KPNA4: variants seen among roughly 807,000 people sequenced by gnomAD.
The protein encoded by KPNA4 is importin subunit alpha-3.
In KPNA4, 13 loss-of-function variants were observed where a neutral mutation model predicts 71.3. That is an observed-to-expected ratio of 0.18 (90% CI 0.12 to 0.29). The LOEUF is 0.29. KPNA4 is among the 10% of genes least tolerant of loss of function. The pLI, the probability that KPNA4 is intolerant of heterozygous loss-of-function variation, is 1.00. For synonymous variants in KPNA4, 189 were observed against 195.2 expected, an observed-to-expected ratio of 0.97 and a Z score of 0.26; for missense variants, 334 against 603.2, an observed-to-expected ratio of 0.55 and a Z score of 4.67.
In KPNA4 at chr3:160,500,176, G is replaced by A. The variant is rs953256229; in HGVS notation, c.*1928C>T. 5 of 151,214 alleles carry A rather than the reference G, an allele frequency of 3.3e-5. No individual in the cohort carries two copies. Among genetic ancestry groups the A allele is most frequent in the Admixed American group, 2.0e-4 (3 of 15,132 alleles). The allele number at this position is 151,214 out of a possible 1,614,324, so 9.4% of individuals were successfully genotyped here. On this transcript the variant is annotated 3_prime_UTR_variant, in exon 17 of 17. Coordinates refer to ENST00000334256, the MANE Select transcript of KPNA4 (RefSeq NM_002268.5). ...ACACACACACCCCATGTAAAACATT[G>A]CTTTAAGTTTTAATGTTTATTTCCC... is the stretch of plus-strand genomic sequence containing the variant.
intron 11 of KPNA4, among the ~76,000 whole-genome samples, chr3:160,520,937 A>G (rs1392628200): frequency 6.6e-6 from 1 of 152,236 alleles, no homozygotes; most frequent in African/African-American, 2.4e-5. Context: ...GCTACTGCTT[A>G]TATCTCTGAG....
At chr3:160,564,170 CTA>C (rs1292263714) in intron 1 of KPNA4, 1 of 152,128 alleles carries the variant, frequency 6.6e-6, no homozygotes, top group Non-Finnish European at 1.5e-5. Context: ...AAGAAGTCTT[CTA>C]TCAAAAATCT....
chr3:160,555,120 T>A (rs1010094346), intron 1 of KPNA4, among the ~76,000 whole-genome samples: 4 of 152,164 alleles, frequency 2.6e-5, no homozygotes, highest in African/African-American at 4.8e-5. Context: ...TTAAATTGAA[T>A]CAGTGGATAC....
intron 13 of KPNA4, among the ~76,000 whole-genome samples, chr3:160,511,603 T>C (rs1460091207): frequency 6.6e-6 from 1 of 151,988 alleles, no homozygotes; most frequent in Non-Finnish European, 1.5e-5. Flanking sequence ...GACTGACATT[T>C]TTTTAAGTAC....
In KPNA4 at chr3:160,546,675, CTTTGTTTGGA is replaced by C. The variant is rs1241936811; in HGVS notation, c.70-9845_70-9836del. Among the ~76,000 whole-genome samples, 3 of 152,100 alleles carry C rather than the reference CTTTGTTTGGA, an allele frequency of 2.0e-5. No individual in the cohort carries two copies. In the East Asian group the frequency reaches 5.8e-4, roughly 29 times the overall value. Reference sequence around the variant, plus strand: ...TAAACTAATATGGTTAATCACCAACCTTTGTTTGGATAAACAAAGGTTCCGATATCGCTCC... The same window carrying C: ...TAAACTAATATGGTTAATCACCAACCTAAACAAAGGTTCCGATATCGCTCC... On this transcript the variant is annotated intron_variant, in intron 1 of 16. Transcript: ENST00000334256.
In KPNA4 at chr3:160,498,421, C is replaced by CG. The variant is rs1292202248; in HGVS notation, c.*3682_*3683insC. On this transcript the variant is annotated 3_prime_UTR_variant, in exon 17 of 17. Coordinates refer to ENST00000334256, the MANE Select transcript of KPNA4 (RefSeq NM_002268.5). ...TGGTATACATACTCCATATAACCCCCTCCCTTGACTGTGAACAGGATCTTT... is the reference window on the plus strand; with the variant it reads ...TGGTATACATACTCCATATAACCCCCGTCCCTTGACTGTGAACAGGATCTTT... 1 of 152,224 alleles carries CG rather than the reference C, an allele frequency of 6.6e-6. No homozygotes were observed. The highest frequency in any genetic ancestry group is 2.4e-5 in the African/African-American group (1 of 41,462). The allele number at this position is 152,224 out of a possible 1,614,324, so 9.4% of individuals were successfully genotyped here.
chr3:160,514,283 G>A (rs185107259), intron 12 of KPNA4, 102 bp from the exon 13 acceptor site: 92 of 700,724 alleles, frequency 1.3e-4, no homozygotes, highest in Non-Finnish European at 1.9e-4. Flanking sequence ...ATTTTACTAC[G>A]AAATGAGCTC....
intron 2 of KPNA4, 123 bp from the exon 3 acceptor site, chr3:160,536,020 T>C: frequency 1.3e-6 from 1 of 754,258 alleles, no homozygotes; most frequent in Admixed American, 4.3e-5. Flanking sequence ...GAAGTGCCTT[T>C]TAAAAGTAAA....
In KPNA4 at chr3:160,496,848, G is replaced by GT. The variant is rs1238933731; in HGVS notation, c.*5255dup. ...GTCAACTGCTCTTACACCCAGAGCA[G>GT]TAGCTGTCAAGTCAATTTTATTGAA... On this transcript the variant is annotated 3_prime_UTR_variant, in exon 17 of 17. Transcript: ENST00000334256. The GT allele has an allele frequency of 6.6e-6, 1 of 152,154 alleles. No homozygotes were observed. The highest frequency in any genetic ancestry group is 2.4e-5 in the African/African-American group (1 of 41,432). The allele number at this position is 152,154 out of a possible 1,614,324, so 9.4% of individuals were successfully genotyped here.
rs1720891794 is a variant in KPNA4 at position 160,501,998 on chromosome 3, T to C, written c.*106A>G. 3.1e-6 allele frequency: 1 copy of C among 322,082 alleles called. No homozygotes were observed. Among genetic ancestry groups the C allele is most frequent in the Non-Finnish European group, 5.6e-6 (1 of 179,186 alleles). 20.0% of individuals were successfully genotyped at this position (322,082 alleles called of 1,614,324 possible). On this transcript the variant is annotated 3_prime_UTR_variant, in exon 17 of 17. Transcript: ENST00000334256. ...AGCAGATCCCATGAGCCAAGCTTGA[T>C]GGATCAAACCTTTTTATATATATGT...
At chr3:160,555,104 T>C (rs1722111107) in intron 1 of KPNA4, among the ~76,000 whole-genome samples, 1 of 152,146 alleles carries the variant, frequency 6.6e-6, no homozygotes, top group Non-Finnish European at 1.5e-5. Context: ...GTAGACAGTG[T>C]CAGAATTAAA....
rs1264039797 is a variant in KPNA4 at position 160,501,217 on chromosome 3, GA to G, written c.*886del. On this transcript the variant is annotated 3_prime_UTR_variant, in exon 17 of 17. Coordinates refer to ENST00000334256, the MANE Select transcript of KPNA4 (RefSeq NM_002268.5). Reference sequence around the variant, plus strand: ...TGCAAATGCACAGGGAAACCTTCCTGAAAAGTTTTCTGACTTGAGAAGCAAC... The same window carrying G: ...TGCAAATGCACAGGGAAACCTTCCTGAAAGTTTTCTGACTTGAGAAGCAAC... The G allele has an allele frequency of 6.7e-6, 1 of 149,286 alleles. No homozygotes were observed. Among genetic ancestry groups the G allele is most frequent in the Non-Finnish European group, 1.5e-5 (1 of 67,570 alleles). The allele number at this position is 149,286 out of a possible 1,614,324, so 9.2% of individuals were successfully genotyped here. A position where few individuals can be genotyped will look rare whatever the true frequency, so the allele number is the denominator to read the frequency against.
At chr3:160,541,976 T>C (rs1464175879) in intron 1 of KPNA4, among the ~76,000 whole-genome samples, 1 of 152,178 alleles carries the variant, frequency 6.6e-6, no homozygotes, top group Non-Finnish European at 1.5e-5. Context: ...CACAACGCAC[T>C]CTGACAGTAA....
In KPNA4 at chr3:160,526,299, C is replaced by T. The variant is rs114312194; in HGVS notation, c.557-192G>A. On this transcript the variant is annotated intron_variant, in intron 8 of 16. Coordinates refer to ENST00000334256, the MANE Select transcript of KPNA4 (RefSeq NM_002268.5). The stretch of plus-strand genomic sequence containing the variant: ...AGGCAACATAAAGTGATAAGGTATT[C>T]TTTTGCACATTATTCCCATCTTCAG... Among the ~76,000 whole-genome samples, 264 of 152,298 alleles carry T rather than the reference C, an allele frequency of 1.7e-3. 1 individual carries two copies. Among genetic ancestry groups the T allele is most frequent in the African/African-American group, 5.9e-3 (245 of 41,564 alleles).
intron 1 of KPNA4, chr3:160,564,456 A>G (rs1722300332): frequency 1.3e-5 from 2 of 152,174 alleles, no homozygotes; most frequent in South Asian, 4.2e-4. Context: ...TCCTCTCAGG[A>G]GGGGGTAAAG....
In KPNA4 at chr3:160,495,914, GTCTTT is replaced by G. The variant is rs1720750783; in HGVS notation, c.*6185_*6189del. On this transcript the variant is annotated 3_prime_UTR_variant, in exon 17 of 17. Coordinates refer to ENST00000334256, the MANE Select transcript of KPNA4 (RefSeq NM_002268.5). The stretch of plus-strand genomic sequence containing the variant: ...CCACAATTATGAATCAAAAGATGGA[GTCTTT>G]TTTTTTTTTTTTTTAAGGTAAATAC... 7.2e-6 allele frequency: 1 copy of G among 138,702 alleles called. No homozygotes were observed. The allele number at this position is 138,702 out of a possible 1,614,324, so 8.6% of individuals were successfully genotyped here.
At chr3:160,528,442 T>C (rs934343307) in intron 7 of KPNA4, among the ~76,000 whole-genome samples, 1 of 152,314 alleles carries the variant, frequency 6.6e-6, no homozygotes, top group East Asian at 1.9e-4. Flanking sequence ...CTTGGCTCAC[T>C]GCAACCTCTG....
intron 11 of KPNA4, among the ~76,000 whole-genome samples, chr3:160,519,016 A>C (rs1472173924): frequency 6.6e-6 from 1 of 152,216 alleles, no homozygotes; most frequent in Non-Finnish European, 1.5e-5. Context: ...AGAAGTCCTC[A>C]AACTTTGTTC....
intron 13 of KPNA4, among the ~76,000 whole-genome samples, chr3:160,512,389 T>C (rs1297066819): frequency 6.6e-6 from 1 of 152,094 alleles, no homozygotes; most frequent in Non-Finnish European, 1.5e-5. Context: ...ACTTGCAAAA[T>C]ATATTTTAAA....
Sources: gnomAD v4.1 joint callset for allele counts (sites outside exome capture counted in the v4.1 genomes callset) on GRCh38, gnomAD v4.1.1 for gene constraint, MANE v1.5 for transcripts, NCBI Gene and HGNC (gene_info 2026-07-23, HGNC 2026-07-21) for gene names.